The following GRAMD1B variants were observed in gnomAD, a reference collection of about 807,000 sequenced individuals.
GRAMD1B encodes the protein protein Aster-B.
A neutral mutation model predicts 99.7 loss-of-function variants in GRAMD1B; 37 were observed. The ratio of observed to expected loss-of-function variants is 0.37; its 90% CI spans 0.29 to 0.49. GRAMD1B has a LOEUF of 0.49. GRAMD1B is among the 20% of genes least tolerant of loss of function. The probability of loss-of-function intolerance (pLI) is 0.98; values close to 1 mark genes in which losing one functional copy is unlikely to be tolerated. For missense variants in GRAMD1B, 888 were observed against 1,009.2 expected (o/e 0.88, Z 1.63); for synonymous variants, 427 against 387.6 (o/e 1.10, Z -1.19).
chr11:123,386,945 A>T (rs1246844970), intron 1 of GRAMD1B, among the ~76,000 whole-genome samples: 1 of 152,188 alleles, frequency 6.6e-6, no homozygotes, highest in Admixed American at 6.5e-5. Flanking sequence ...CTCTGTCTTC[A>T]GTTTGTGTGA....
intron 2 of GRAMD1B, among the ~76,000 whole-genome samples, chr11:123,563,817 G>A (rs1947063338): frequency 6.6e-6 from 1 of 152,124 alleles, no homozygotes; most frequent in South Asian, 2.1e-4. Flanking sequence ...GGGTGGCAAG[G>A]GAAAGCCCTG....
At chr11:123,481,528 A>G (rs1258468081) in intron 2 of GRAMD1B, among the ~76,000 whole-genome samples, 1 of 152,188 alleles carries the variant, frequency 6.6e-6, no homozygotes, top group Non-Finnish European at 1.5e-5. Flanking sequence ...GTTGGGTACA[A>G]TGTGGGTCAG....
chr11:123,530,701 G>A (rs1453000740), intron 2 of GRAMD1B, among the ~76,000 whole-genome samples: 1 of 152,168 alleles, frequency 6.6e-6, no homozygotes, highest in Non-Finnish European at 1.5e-5. Flanking sequence ...TTCTGTAAGA[G>A]GTCTGCTCCA....
At chr11:123,516,345 A>G (rs971758736) in intron 2 of GRAMD1B, among the ~76,000 whole-genome samples, 22 of 152,216 alleles carry the variant, frequency 1.4e-4, no homozygotes, top group Admixed American at 5.9e-4. Context: ...GAAACAACTT[A>G]AAGCTTCCCC....
At chr11:123,586,470 G>A (rs557267122) in intron 4 of GRAMD1B, among the ~76,000 whole-genome samples, 4 of 152,184 alleles carry the variant, frequency 2.6e-5, no homozygotes, top group Non-Finnish European at 4.4e-5. Flanking sequence ...GAGGCCAAGC[G>A]CACAAGGGGC....
intron 1 of GRAMD1B, among the ~76,000 whole-genome samples, chr11:123,368,622 G>A (rs1293082366): frequency 1.5e-5 from 2 of 135,472 alleles, no homozygotes; most frequent in African/African-American, 5.4e-5. Flanking sequence ...GGAACTTGCA[G>A]TGAGCTGAGA....
chr11:123,491,498 A>T (rs1006786212), intron 2 of GRAMD1B, among the ~76,000 whole-genome samples: 1 of 151,884 alleles, frequency 6.6e-6, no homozygotes, highest in African/African-American at 2.4e-5. Context: ...CTGACATCAC[A>T]TGCAGGTACA....
Position 123,492,896 on chromosome 11 carries a change from G to A in GRAMD1B, c.452+12003G>A, listed in dbSNP as rs141779110. ...CACACACACACACACACACACACAC[G>A]CATAGGCATAGATGCCTGTGATTGT... On this transcript the variant is annotated intron_variant, in intron 2 of 19. Coordinates refer to ENST00000635736, the MANE Select transcript of GRAMD1B (RefSeq NM_001387025.1). This position sits in a 1 kb window ranked among gnomAD's most constrained non-coding sequence, Gnocchi z 4.2. 2.9e-4 allele frequency among the ~76,000 whole-genome samples: 21 copies of A among 71,650 alleles called. No individual in the cohort carries two copies. The South Asian group carries it at 3.0e-3, about 10-fold the overall frequency. 47.0% of individuals were successfully genotyped at this position (71,650 alleles called of 152,430 possible). A position where few individuals can be genotyped will look rare whatever the true frequency, so the allele number is the denominator to read the frequency against.
chr11:123,554,817 C>A (rs984980615), intron 2 of GRAMD1B, among the ~76,000 whole-genome samples: 1 of 152,150 alleles, frequency 6.6e-6, no homozygotes, highest in Non-Finnish European at 1.5e-5. Flanking sequence ...GGAGCAGCTC[C>A]TAGGATTGAG....
intron 1 of GRAMD1B, among the ~76,000 whole-genome samples, chr11:123,402,741 A>T (rs181927896): frequency 6.6e-6 from 1 of 152,302 alleles, no homozygotes; most frequent in Admixed American, 6.5e-5. Flanking sequence ...GAATCCCGGA[A>T]TCCCAATGTT....
chr11:123,407,287 G>A (rs1271604470), intron 1 of GRAMD1B, among the ~76,000 whole-genome samples: 1 of 151,540 alleles, frequency 6.6e-6, no homozygotes, highest in Non-Finnish European at 1.5e-5. Flanking sequence ...TTTTCCCGGG[G>A]AACTCTCGAA....
chr11:123,606,696 A>G lies in GRAMD1B; in HGVS notation c.1411A>G (p.Lys471Glu). Reference sequence around the variant, plus strand: ...CGCCATTGACAACATCATGGGGGAGAAGATTGAGATGATCGCTCCTGTGAA... The same window carrying G: ...CGCCATTGACAACATCATGGGGGAGGAGATTGAGATGATCGCTCCTGTGAA... Reference protein sequence around the residue: ...ELAIDNIMGEKIEMIAPVNSP... With the variant: ...ELAIDNIMGEEIEMIAPVNSP... The change falls in exon 11 of 20, where the codon AAG (lysine) becomes GAG (glutamate). Residue 471 changes from lysine to glutamate, a missense_variant. Lys to Glu is a moderately conservative substitution (Grantham distance 56, BLOSUM62 1). Coordinates refer to ENST00000635736, the MANE Select transcript of GRAMD1B (RefSeq NM_001387025.1). The G allele has an allele frequency of 6.2e-7, 1 of 1,613,424 alleles. No homozygotes were observed.
chr11:123,566,456 T>C (rs1040882845), intron 2 of GRAMD1B, among the ~76,000 whole-genome samples: 9 of 152,326 alleles, frequency 5.9e-5, no homozygotes, highest in African/African-American at 2.2e-4. Context: ...GACGATGGAA[T>C]GAATGGCTTT....
chr11:123,447,266 A>G (rs1340719866), intron 1 of GRAMD1B, among the ~76,000 whole-genome samples: 2 of 152,212 alleles, frequency 1.3e-5, no homozygotes, highest in African/African-American at 4.8e-5. Flanking sequence ...CAGAGAATCC[A>G]GTCATCCTGG....
chr11:123,528,571 G>C (rs557018183), intron 2 of GRAMD1B, among the ~76,000 whole-genome samples: 4 of 152,290 alleles, frequency 2.6e-5, no homozygotes, highest in African/African-American at 9.6e-5. Flanking sequence ...AAGGCATGCA[G>C]ATAGGAACCA....
At chr11:123,581,004 A>G (rs1949299079) in intron 3 of GRAMD1B, among the ~76,000 whole-genome samples, 1 of 151,006 alleles carries the variant, frequency 6.6e-6, no homozygotes, top group Non-Finnish European at 1.5e-5. Context: ...CTCCTACTAA[A>G]TGTAGAGCTC....
intron 1 of GRAMD1B, among the ~76,000 whole-genome samples, chr11:123,415,680 A>G (rs1321209303): frequency 1.3e-5 from 2 of 151,428 alleles, no homozygotes; most frequent in Non-Finnish European, 2.9e-5. Flanking sequence ...CAAGCCACTC[A>G]CTTCTTTCTG....
intron 2 of GRAMD1B, among the ~76,000 whole-genome samples, chr11:123,520,899 C>T (rs1358342378): frequency 6.6e-6 from 1 of 152,020 alleles, no homozygotes; most frequent in Non-Finnish European, 1.5e-5. Context: ...ACCTGTTCTG[C>T]TCCATTGCAT....
At chr11:123,361,652 G>A (rs535822003) in intron 1 of GRAMD1B, among the ~76,000 whole-genome samples, 92 of 152,256 alleles carry the variant, frequency 6.0e-4, no homozygotes, top group African/African-American at 1.9e-3. Flanking sequence ...CCAGTGCCCC[G>A]ATATGTACAA....
Sources: gnomAD v4.1 joint callset for allele counts (sites outside exome capture counted in the v4.1 genomes callset) on GRCh38, gnomAD v4.1.1 for gene constraint, Gnocchi (gnomAD v3.1) non-coding constraint, MANE v1.5 for transcripts, NCBI Gene and HGNC (gene_info 2026-07-23, HGNC 2026-07-21) for gene names.